TRAPPC2: variants seen among roughly 807,000 people sequenced by gnomAD.
TRAPPC2 encodes the protein trafficking protein particle complex subunit 2, also known as sedlin.
In TRAPPC2, 4 loss-of-function variants were observed where a neutral mutation model predicts 10.0. The observed-to-expected ratio is 0.40, with a 90% CI of 0.20 to 0.92. The LOEUF is 0.92. TRAPPC2 is among the 40% of genes least tolerant of loss of function. The pLI is 0.35. For synonymous variants in TRAPPC2, 36 were observed against 37.3 expected (o/e 0.97, Z 0.12); for missense variants, 52 against 108.7 (o/e 0.48, Z 2.32).
rs2046292932 is a variant in TRAPPC2, at chrX:13,716,662, A to G, written c.110T>C (p.Leu37Pro). ...KAESKDDHRH[L>P]NQFIAHAALD... is the part of the protein sequence containing the mutation. Reference sequence around the variant, plus strand: ...AGCAGCATGAGCTATGAACTGGTTCAGATGACGATGGTCGTCCTAGATGAC... The same window carrying G: ...AGCAGCATGAGCTATGAACTGGTTCGGATGACGATGGTCGTCCTAGATGAC... Residue 37 changes from leucine (L) to proline (P), a missense_variant, in exon 4 of 6, where the codon CTG becomes CCG. Physicochemically the swap from Leu to Pro is moderately conservative, Grantham distance 98 (BLOSUM62 -3). Transcript: ENST00000380579. The G allele has an allele frequency of 1.7e-6, 2 of 1,211,966 alleles. No individual in the cohort carries two copies. Among genetic ancestry groups the G allele is most frequent in the South Asian group, 1.8e-5 (1 of 56,948 alleles).
intron 2 of TRAPPC2, among the ~76,000 whole-genome samples, chrX:13,726,544 G>C (rs1228493392): frequency 9.0e-6 from 1 of 111,453 alleles, no homozygotes; most frequent in Non-Finnish European, 1.9e-5. Flanking sequence ...CCTTTACAGA[G>C]AAGGAAATGA....
chrX:13,725,937 A>G (rs1226675681), intron 2 of TRAPPC2, among the ~76,000 whole-genome samples: 1 of 112,193 alleles, frequency 8.9e-6, no homozygotes, highest in Non-Finnish European at 1.9e-5. Flanking sequence ...GCTAAAAACC[A>G]TGGCACAAGA....
Position 13,716,632 on chromosome X carries a change from T to G in TRAPPC2, c.140A>C (p.Asp47Ala). ...LNQFIAHAAL[D>A]LVDENMWLSN... is the part of the protein sequence containing the mutation. ...TAGCCACATGTTCTCATCTACGAGGTCGAGAGCAGCATGAGCTATGAACTG... is the reference window on the plus strand; with the variant it reads ...TAGCCACATGTTCTCATCTACGAGGGCGAGAGCAGCATGAGCTATGAACTG... Residue 47 changes from aspartate to alanine, a missense_variant, in exon 4 of 6, where the codon GAC (aspartate) becomes GCC (alanine). Coordinates refer to ENST00000380579, the MANE Select transcript of TRAPPC2 (RefSeq NM_001011658.4). The G allele has an allele frequency of 8.3e-7, 1 of 1,211,735 alleles. No individual in the cohort carries two copies. The highest frequency in any genetic ancestry group is 1.1e-6 in the Non-Finnish European group (1 of 895,332).
chrX:13,712,273 A>AAAT lies in TRAPPC2; in HGVS notation c.*2131_*2133dup, dbSNP rs2046229627. ...AGCAAACATCTTTATTTAAGAAATC[A>AAAT]AATAGGGTAAAAATTATGCAATTTC... On this transcript the variant is annotated 3_prime_UTR_variant, in exon 6 of 6. Coordinates refer to ENST00000380579, the MANE Select transcript of TRAPPC2 (RefSeq NM_001011658.4). 1 of 111,802 alleles carries AAAT rather than the reference A, an allele frequency of 8.9e-6. No individual in the cohort carries two copies. Among genetic ancestry groups the AAAT allele is most frequent in the Non-Finnish European group, 1.9e-5 (1 of 53,286 alleles). The allele number at this position is 111,802 out of a possible 1,213,427, so 9.2% of individuals were successfully genotyped here. A position where few individuals can be genotyped will look rare whatever the true frequency, so the allele number is the denominator to read the frequency against.
At chrX:13,719,802 G>T in intron 3 of TRAPPC2, 69 bp downstream of exon 3, 1 of 794,587 alleles carries the variant, frequency 1.3e-6, no homozygotes, top group South Asian at 2.8e-5. Context: ...TACCTTATCT[G>T]TCCAGATCTT....
chrX:13,729,555 C>G (rs1277380288), intron 2 of TRAPPC2, among the ~76,000 whole-genome samples: 10 of 112,045 alleles, frequency 8.9e-5, no homozygotes, highest in South Asian at 3.7e-4. Context: ...TATGTAGAAA[C>G]CTGAAACTGG....
intron 2 of TRAPPC2, 154 bp from the exon 3 acceptor site, chrX:13,720,136 T>C (rs2046377284): frequency 3.0e-6 from 1 of 333,131 alleles, no homozygotes. Context: ...CTAGCGAAGA[T>C]ACGTAGCTTC....
At chrX:13,727,799 A>G (rs756522589) in intron 2 of TRAPPC2, among the ~76,000 whole-genome samples, 16 of 112,240 alleles carry the variant, frequency 1.4e-4, no homozygotes, top group African/African-American at 5.2e-4. Context: ...TAAAAAATCA[A>G]TGAATCCAGG....
At chrX:13,720,085 T>C in intron 2 of TRAPPC2, 103 bp from the exon 3 acceptor site, 4 of 587,234 alleles carry the variant, frequency 6.8e-6, no homozygotes, top group Non-Finnish European at 9.9e-6. Context: ...AACCTGACAT[T>C]GTAGAGGAAG....
intron 2 of TRAPPC2, among the ~76,000 whole-genome samples, chrX:13,724,400 T>TAAAAAA (rs772302164): frequency 1.2e-5 from 1 of 82,326 alleles, no homozygotes; most frequent in African/African-American, 4.5e-5. Context: ...AATATATATT[T>TAAAAAA]AAAAAAAAAA....
At chrX:13,715,548 A>G (rs2046270770) in intron 5 of TRAPPC2, 1 of 115,389 alleles carries the variant, frequency 8.7e-6, no homozygotes, top group African/African-American at 3.2e-5. Flanking sequence ...AAAATCAAGA[A>G]ATGCAAGTGG....
At chrX:13,721,404 A>G (rs1384147277) in intron 2 of TRAPPC2, 3 of 112,541 alleles carry the variant, frequency 2.7e-5, no homozygotes, top group African/African-American at 9.7e-5. Flanking sequence ...CCCACAGTAC[A>G]TGCTCAATTA....
At chrX:13,726,764 C>G (rs1245632920) in intron 2 of TRAPPC2, among the ~76,000 whole-genome samples, 3 of 111,487 alleles carry the variant, frequency 2.7e-5, no homozygotes, top group African/African-American at 9.8e-5. Flanking sequence ...CAATATTAAC[C>G]TTAAATGTAA....
At chrX:13,725,711 T>C (rs1007297173) in intron 2 of TRAPPC2, among the ~76,000 whole-genome samples, 5 of 112,308 alleles carry the variant, frequency 4.5e-5, no homozygotes, top group Non-Finnish European at 5.6e-5. Flanking sequence ...CTCCAAAGGA[T>C]TGCAGCTCCT....
At chrX:13,725,719 C>T (rs1331460702) in intron 2 of TRAPPC2, among the ~76,000 whole-genome samples, 1 of 112,339 alleles carries the variant, frequency 8.9e-6, no homozygotes, top group East Asian at 2.8e-4. Context: ...GATTGCAGCT[C>T]CTCGCCAGCA....
intron 3 of TRAPPC2, among the ~76,000 whole-genome samples, chrX:13,719,149 T>G (rs1244688511): frequency 1.8e-5 from 2 of 110,788 alleles, no homozygotes; most frequent in African/African-American, 6.6e-5. Flanking sequence ...AGAGCAAGAC[T>G]CTGTCTCAAA....
intron 2 of TRAPPC2, among the ~76,000 whole-genome samples, chrX:13,726,306 G>C (rs900822592): frequency 9.0e-6 from 1 of 111,583 alleles, no homozygotes; most frequent in Non-Finnish European, 1.9e-5. Context: ...ACACGTAATT[G>C]TCAGATTCAC....
rs2046771464 is a variant in TRAPPC2 at position 13,734,586 on chromosome X, C to T, written c.-223G>A. The T allele has an allele frequency of 1.1e-5, 7 of 647,938 alleles. No homozygotes were observed. Among genetic ancestry groups the T allele is most frequent in the Admixed American group, 6.4e-5 (1 of 15,562 alleles). The allele number at this position is 647,938 out of a possible 1,213,427, so 53.4% of individuals were successfully genotyped here. On this transcript the variant is annotated 5_prime_UTR_variant, in exon 1 of 6. Coordinates refer to ENST00000380579, the MANE Select transcript of TRAPPC2 (RefSeq NM_001011658.4). ...GTTTCCGCGGAAGAGACCCGCGCCC[C>T]GAACCTGTAGCCAGAACGCCGAAGC...
At chrX:13,724,818 A>G (rs2046508269) in intron 2 of TRAPPC2, among the ~76,000 whole-genome samples, 1 of 112,611 alleles carries the variant, frequency 8.9e-6, no homozygotes, top group African/African-American at 3.2e-5. Flanking sequence ...CAGAAAGTGC[A>G]AGGGGTCGGG....
Sources: gnomAD v4.1 joint callset for allele counts (sites outside exome capture counted in the v4.1 genomes callset) on GRCh38, gnomAD v4.1.1 for gene constraint, MANE v1.5 for transcripts, NCBI Gene and HGNC (gene_info 2026-07-23, HGNC 2026-07-21) for gene names.